USP13: variants seen among roughly 807,000 people sequenced by gnomAD.
USP13 encodes the protein ubiquitin specific peptidase 13.
USP13 carries 68 observed loss-of-function variants against 107.8 expected under a neutral mutation model. That is an observed-to-expected ratio of 0.63 (90% CI 0.52 to 0.77). USP13 has a LOEUF of 0.77. Among genes scored for constraint, USP13 ranks in the 30% least tolerant of loss-of-function variants. The probability of loss-of-function intolerance (pLI) is 0.00; values close to 1 mark genes in which losing one functional copy is unlikely to be tolerated. For synonymous variants in USP13, 377 were observed against 389.5 expected, an observed-to-expected ratio of 0.97 and a Z score of 0.38; for missense variants, 945 against 1,093.3, an observed-to-expected ratio of 0.86 and a Z score of 1.91.
intron 1 of USP13, among the ~76,000 whole-genome samples, chr3:179,657,762 CAAAAAAAAAAAAAAAA>C (rs35377039): frequency 1.4e-5 from 1 of 73,832 alleles, no homozygotes; most frequent in South Asian, 5.8e-4. Context: ...AATTCCGTCT[CAAAAAAAAAAAAAAAA>C]AAAAAAAAGA....
chr3:179,752,976 C>T (rs757657367), intron 14 of USP13, among the ~76,000 whole-genome samples: 8 of 152,138 alleles, frequency 5.3e-5, no homozygotes, highest in African/African-American at 1.9e-4. Flanking sequence ...TTTTAAAGTT[C>T]CTGACCATTG....
chr3:179,740,932 A>G (rs972559742), intron 11 of USP13, among the ~76,000 whole-genome samples: 3 of 151,814 alleles, frequency 2.0e-5, no homozygotes, highest in Admixed American at 2.0e-4. Flanking sequence ...ACGCCCGGCT[A>G]ATTTTTGTAT....
rs781176748 is a variant in USP13 at position 179,789,187 on chromosome 3, C to T, written c.*5046C>T. ...CTGCCACTCTTGATGTGCCGCTTGT[C>T]TCAGCCTTGGCAGAGGCTGAGTCTG... On this transcript the variant is annotated 3_prime_UTR_variant, in exon 21 of 21. Transcript: ENST00000263966. The T allele has an allele frequency of 3.9e-5, 6 of 152,192 alleles. No homozygotes were observed. Among genetic ancestry groups the T allele is most frequent in the South Asian group, 4.1e-4 (2 of 4,822 alleles). The allele number at this position is 152,192 out of a possible 1,614,324, so 9.4% of individuals were successfully genotyped here.
At chr3:179,767,909 T>C (rs1715229047) in intron 19 of USP13, among the ~76,000 whole-genome samples, 1 of 152,156 alleles carries the variant, frequency 6.6e-6, no homozygotes, top group South Asian at 2.1e-4. Context: ...ACTGTCTTCT[T>C]CTTTTTTTTA....
chr3:179,774,729 G>A (rs543423100), intron 19 of USP13, among the ~76,000 whole-genome samples: 3 of 152,314 alleles, frequency 2.0e-5, no homozygotes, highest in African/African-American at 2.4e-5. Flanking sequence ...GGTTGCCACT[G>A]CTGGCTCGGG....
chr3:179,709,978 G>C (rs935339783), intron 6 of USP13, among the ~76,000 whole-genome samples: 1 of 125,956 alleles, frequency 7.9e-6, no homozygotes, highest in Non-Finnish European at 1.9e-5. Context: ...TCATTGAACC[G>C]GTGTAGTTTT....
chr3:179,728,535 C>T (rs879520607), intron 8 of USP13, among the ~76,000 whole-genome samples: 4,179 of 148,720 alleles, frequency 0.028, 74 homozygotes, highest in Non-Finnish European at 0.039. Context: ...ACATCCCAGA[C>T]GATGGGCGGC....
At chr3:179,654,626 C>A (rs914336372) in intron 1 of USP13, among the ~76,000 whole-genome samples, 1 of 152,268 alleles carries the variant, frequency 6.6e-6, no homozygotes, top group East Asian at 1.9e-4. Flanking sequence ...TGTCACCCGG[C>A]AGATCTCAAT....
At chr3:179,744,360 G>GT (rs146102656) in intron 12 of USP13, among the ~76,000 whole-genome samples, 4,045 of 141,954 alleles carry the variant, frequency 0.028, 171 homozygotes, top group African/African-American at 0.1. Context: ...TTTTTGTTTT[G>GT]TTTTGTTTTT....
intron 11 of USP13, among the ~76,000 whole-genome samples, chr3:179,741,985 A>G (rs1223377136): frequency 6.6e-6 from 1 of 152,132 alleles, no homozygotes; most frequent in Non-Finnish European, 1.5e-5. Flanking sequence ...ATAGTAATCC[A>G]TGATGAACTA....
In USP13 at chr3:179,784,337, T is replaced by C; in HGVS notation, c.*196T>C. 1 of 479,682 alleles carries C rather than the reference T, an allele frequency of 2.1e-6. No individual in the cohort carries two copies. The highest frequency in any genetic ancestry group is 3.7e-6 in the Non-Finnish European group (1 of 271,574). The allele number at this position is 479,682 out of a possible 1,614,324, so 29.7% of individuals were successfully genotyped here. On this transcript the variant is annotated 3_prime_UTR_variant, in exon 21 of 21. Coordinates refer to ENST00000263966, the MANE Select transcript of USP13 (RefSeq NM_003940.3). ...AATTTCTATTAGTGATGATACACTA[T>C]TATATTGTAGATAGTTTTTATAAAT... is the stretch of plus-strand genomic sequence containing the variant.
intron 1 of USP13, among the ~76,000 whole-genome samples, chr3:179,679,915 CT>C (rs941739680): frequency 6.6e-6 from 1 of 150,628 alleles, no homozygotes; most frequent in African/African-American, 2.4e-5. Flanking sequence ...TGGCTCACAC[CT>C]GTAATCCCAA....
intron 13 of USP13, among the ~76,000 whole-genome samples, chr3:179,751,954 G>A (rs1714627122): frequency 1.3e-5 from 2 of 152,144 alleles, no homozygotes. Flanking sequence ...TGTTGGCCAG[G>A]CTGGTCTTGA....
intron 3 of USP13, among the ~76,000 whole-genome samples, chr3:179,699,655 A>C (rs559604100): frequency 6.8e-5 from 10 of 146,650 alleles, no homozygotes; most frequent in African/African-American, 2.0e-4. Flanking sequence ...AGCTATGATC[A>C]CACCAGTGGA....
At chr3:179,783,946 C>A in intron 20 of USP13, 102 bp from the exon 21 acceptor site, 7 of 833,854 alleles carry the variant, frequency 8.4e-6, no homozygotes, top group East Asian at 5.9e-5. Flanking sequence ...TACCTTAAAA[C>A]ATCATGGTTA....
chr3:179,704,471 C>T (rs1712642998), intron 4 of USP13, among the ~76,000 whole-genome samples: 1 of 152,162 alleles, frequency 6.6e-6, no homozygotes, highest in South Asian at 2.1e-4. Flanking sequence ...CTGCCCTCTT[C>T]CCTGCACAGC....
intron 1 of USP13, among the ~76,000 whole-genome samples, chr3:179,680,550 AT>A (rs796824758): frequency 5.1e-4 from 74 of 146,460 alleles, no homozygotes; most frequent in African/African-American, 1.1e-3. Context: ...TATTTATTAC[AT>A]TTTTTTTTCC....
In USP13 at chr3:179,720,024, A is replaced by G; in HGVS notation, c.890A>G (p.His297Arg). 1 of 1,613,816 alleles carries G rather than the reference A, an allele frequency of 6.2e-7. No homozygotes were observed. Among genetic ancestry groups the G allele is most frequent in the Non-Finnish European group, 8.5e-7 (1 of 1,179,826 alleles). Residue 297 changes from histidine (H) to arginine (R), a missense_variant, in exon 7 of 21, where the codon CAT becomes CGT. Transcript: ENST00000263966. Reference sequence around the variant, plus strand: ...GCGCATTTTGGAATTGATATGCTTCATATGCATGGGGTGAGGTCTCCTTTT... The same window carrying G: ...GCGCATTTTGGAATTGATATGCTTCGTATGCATGGGGTGAGGTCTCCTTTT... ...HLAHFGIDML[H>R]MHGTENGLQD...
intron 13 of USP13, among the ~76,000 whole-genome samples, chr3:179,751,779 A>G (rs1467470057): frequency 6.6e-6 from 1 of 152,034 alleles, no homozygotes; most frequent in East Asian, 1.9e-4. Flanking sequence ...GCTGGAGTCC[A>G]GTGGCATGAT....
Sources: gnomAD v4.1 joint callset for allele counts (sites outside exome capture counted in the v4.1 genomes callset) on GRCh38, gnomAD v4.1.1 for gene constraint, MANE v1.5 for transcripts, NCBI Gene and HGNC (gene_info 2026-07-23, HGNC 2026-07-21) for gene names.